ZNF385B: variants seen among roughly 807,000 people sequenced by gnomAD.
The protein encoded by ZNF385B is zinc finger protein 385B, also known as zinc finger protein 533.
ZNF385B carries 23 observed loss-of-function variants against 39.2 expected under a neutral mutation model. That is an observed-to-expected ratio of 0.59 (90% CI 0.42 to 0.83). ZNF385B has a LOEUF of 0.83. Among genes scored for constraint, ZNF385B ranks in the 40% least tolerant of loss-of-function variants. The probability of loss-of-function intolerance (pLI) is 0.00; values close to 1 mark genes in which losing one functional copy is unlikely to be tolerated. For synonymous variants in ZNF385B, 205 were observed against 222.6 expected (o/e 0.92, Z 0.70); for missense variants, 552 against 598.9 (o/e 0.92, Z 0.82).
At chr2:179,562,577 G>A in intron 3 of ZNF385B, 3 of 985,384 alleles carry the variant, frequency 3.0e-6, no homozygotes, top group Non-Finnish European at 3.6e-6. Flanking sequence ...TTGCCGCTTA[G>A]CTCTAATTAC....
intron 3 of ZNF385B, among the ~76,000 whole-genome samples, chr2:179,647,885 T>G (rs1692861551): frequency 6.6e-6 from 1 of 152,166 alleles, no homozygotes; most frequent in Non-Finnish European, 1.5e-5. Context: ...TCTCCTTAAT[T>G]TTCTTGAGCA....
chr2:179,687,186 C>A (rs1346124886), intron 3 of ZNF385B, among the ~76,000 whole-genome samples: 1 of 151,040 alleles, frequency 6.6e-6, no homozygotes, highest in East Asian at 1.9e-4. Flanking sequence ...AGGAGCCAAT[C>A]ATGGAGGAAA....
chr2:179,803,262 T>G (rs961647614), intron 1 of ZNF385B, among the ~76,000 whole-genome samples: 29 of 152,132 alleles, frequency 1.9e-4, no homozygotes, highest in Admixed American at 1.7e-3. Flanking sequence ...ATATGTCTTC[T>G]AAGGTAACAC....
chr2:179,787,713 T>C (rs572501649), intron 1 of ZNF385B, among the ~76,000 whole-genome samples: 15 of 152,152 alleles, frequency 9.9e-5, no homozygotes, highest in Admixed American at 8.5e-4. Flanking sequence ...TGTAATCTTA[T>C]CAGAAGCAGA....
chr2:179,774,207 G>T (rs1247099908), intron 1 of ZNF385B, among the ~76,000 whole-genome samples: 1 of 151,812 alleles, frequency 6.6e-6, no homozygotes, highest in African/African-American at 2.4e-5. Context: ...TGTGGTCTGT[G>T]TGTGGGATGT....
At chr2:179,710,339 G>A (rs1175793440) in intron 3 of ZNF385B, among the ~76,000 whole-genome samples, 1 of 152,056 alleles carries the variant, frequency 6.6e-6, no homozygotes, top group Non-Finnish European at 1.5e-5. Context: ...ACCTACCCAG[G>A]AGCACATCAT....
At chr2:179,809,844 CT>C (rs2106565243) in intron 1 of ZNF385B, among the ~76,000 whole-genome samples, 1 of 152,020 alleles carries the variant, frequency 6.6e-6, no homozygotes, top group East Asian at 1.9e-4. Flanking sequence ...GGGAAAATGA[CT>C]TTAAGCCACT....
chr2:179,642,736 A>C (rs1692377770), intron 3 of ZNF385B, among the ~76,000 whole-genome samples: 1 of 152,192 alleles, frequency 6.6e-6, no homozygotes, highest in Non-Finnish European at 1.5e-5. Context: ...CAACCTACTA[A>C]TAGTTTTTGT....
intron 1 of ZNF385B, among the ~76,000 whole-genome samples, chr2:179,781,299 C>G (rs1704649750): frequency 6.6e-6 from 1 of 152,114 alleles, no homozygotes; most frequent in African/African-American, 2.4e-5. Context: ...GAAAAGTAAC[C>G]TGACCAATGG....
At chr2:179,710,174 G>A (rs1699900530) in intron 3 of ZNF385B, among the ~76,000 whole-genome samples, 1 of 152,086 alleles carries the variant, frequency 6.6e-6, no homozygotes, top group East Asian at 1.9e-4. Flanking sequence ...TTGTACCCTG[G>A]ATGAACATGC....
At chr2:179,445,209 C>T (rs1401312624) in intron 8 of ZNF385B, among the ~76,000 whole-genome samples, 1 of 152,156 alleles carries the variant, frequency 6.6e-6, no homozygotes, top group Non-Finnish European at 1.5e-5. Context: ...GGTATTACCA[C>T]TGTTACTGAT....
At chr2:179,854,348 A>G (rs2105448296) in intron 1 of ZNF385B, among the ~76,000 whole-genome samples, 1 of 152,274 alleles carries the variant, frequency 6.6e-6, no homozygotes, top group African/African-American at 2.4e-5. Flanking sequence ...CTAATTTATC[A>G]GTGAGGATTT....
chr2:179,608,658 G>A (rs758015517), intron 3 of ZNF385B, among the ~76,000 whole-genome samples: 15 of 151,994 alleles, frequency 9.9e-5, no homozygotes, highest in Admixed American at 3.9e-4. Flanking sequence ...CAAATCACTC[G>A]GGGATATCAT....
chr2:179,497,965 A>G (rs2056400402), intron 5 of ZNF385B, among the ~76,000 whole-genome samples: 1 of 152,146 alleles, frequency 6.6e-6, no homozygotes, highest in African/African-American at 2.4e-5. Flanking sequence ...ATAAGAGACA[A>G]AGAAGGTCAC....
In ZNF385B at chr2:179,640,746, C is replaced by T. The variant is rs199860771; in HGVS notation, c.299-95777G>A. On this transcript the variant is annotated intron_variant, in intron 3 of 9. Transcript: ENST00000410066. ...ATAAACTAATGAACTCAGGAGGTCC[C>T]GTTTGGTATTACACTTGGTTAATTG... Among the ~76,000 whole-genome samples, 13 of 152,082 alleles carry T rather than the reference C, an allele frequency of 8.5e-5. No homozygotes were observed. In the East Asian group the frequency reaches 1.4e-3, roughly 16 times the overall value.
At chr2:179,808,176 G>A (rs1706504985) in intron 1 of ZNF385B, among the ~76,000 whole-genome samples, 1 of 151,824 alleles carries the variant, frequency 6.6e-6, no homozygotes, top group South Asian at 2.1e-4. Context: ...GGGACTACAG[G>A]CGCACGCCGC....
At chr2:179,653,366 CCT>C (rs1693395005) in intron 3 of ZNF385B, among the ~76,000 whole-genome samples, 1 of 152,182 alleles carries the variant, frequency 6.6e-6, no homozygotes, top group Non-Finnish European at 1.5e-5. Flanking sequence ...CTGGCAATGG[CCT>C]CTCTCTAGAA....
At chr2:179,628,732 A>G (rs1430575291) in intron 3 of ZNF385B, among the ~76,000 whole-genome samples, 2 of 152,188 alleles carry the variant, frequency 1.3e-5, no homozygotes, top group Non-Finnish European at 2.9e-5. Context: ...GTGACAAAAG[A>G]GTGATGGTTT....
intron 3 of ZNF385B, among the ~76,000 whole-genome samples, chr2:179,651,344 G>T (rs1211193414): frequency 6.6e-6 from 1 of 152,056 alleles, no homozygotes; most frequent in Non-Finnish European, 1.5e-5. Flanking sequence ...ATCTGAAAAA[G>T]AAAGTTGATC....
Sources: gnomAD v4.1 joint callset for allele counts (sites outside exome capture counted in the v4.1 genomes callset) on GRCh38, gnomAD v4.1.1 for gene constraint, MANE v1.5 for transcripts, NCBI Gene and HGNC (gene_info 2026-07-23, HGNC 2026-07-21) for gene names.